FKBP5: variants seen among roughly 807,000 people sequenced by gnomAD.
The protein encoded by FKBP5 is FKBP prolyl isomerase 5, also known as peptidyl-prolyl cis-trans isomerase FKBP5.
FKBP5 carries 23 observed loss-of-function variants against 50.5 expected under a neutral mutation model. The ratio of observed to expected loss-of-function variants is 0.46; its 90% CI spans 0.33 to 0.65. The LOEUF (loss-of-function observed/expected upper bound fraction) is 0.65. Among genes scored for constraint, FKBP5 ranks in the 30% least tolerant of loss-of-function variants. The pLI is 0.02. For synonymous variants in FKBP5, 176 were observed against 190.6 expected, an observed-to-expected ratio of 0.92 and a Z score of 0.63; for missense variants, 411 against 553.1, an observed-to-expected ratio of 0.74 and a Z score of 2.58.
At chr6:35,623,213 G>A (rs1223231327) in intron 3 of FKBP5, among the ~76,000 whole-genome samples, 2 of 152,232 alleles carry the variant, frequency 1.3e-5, no homozygotes, top group African/African-American at 2.4e-5. Flanking sequence ...CTGCACTCCA[G>A]CCTGGGCGAA....
intron 8 of FKBP5, chr6:35,580,884 T>C (rs750378210): frequency 1.0e-6 from 1 of 985,334 alleles, no homozygotes; most frequent in Non-Finnish European, 1.2e-6. Flanking sequence ...TTTTAGACTA[T>C]GCCACTAAAA....
rs891326990 is a variant in FKBP5, at chr6:35,584,952, A to C, written c.840+2082T>G. On this transcript the variant is annotated intron_variant, in intron 8 of 10. Transcript: ENST00000357266. ...GTACAGACACTCATTGCTTTCTGCT[A>C]CTGATCACTAATTCTGGCCATCTCT... 10 of 985,454 alleles carry C rather than the reference A, an allele frequency of 1.0e-5. No homozygotes were observed. In the African/African-American group the frequency reaches 1.4e-4, roughly 14 times the overall value. 61.0% of individuals were successfully genotyped at this position (985,454 alleles called of 1,614,324 possible).
chr6:35,607,582 A>C (rs893314277), intron 5 of FKBP5: 3 of 152,628 alleles, frequency 2.0e-5, no homozygotes, highest in Non-Finnish European at 4.4e-5. Context: ...ATTGGATAAA[A>C]ATGTGGGCTT....
At chr6:35,669,378 A>G (rs1765322163) in intron 1 of FKBP5, among the ~76,000 whole-genome samples, 1 of 152,192 alleles carries the variant, frequency 6.6e-6, no homozygotes, top group Non-Finnish European at 1.5e-5. Context: ...CTGGCCTACA[A>G]TGCACATACT....
Position 35,642,726 on chromosome 6 carries a change from T to C in FKBP5, c.99A>G (p.Val33=), listed in dbSNP as rs1464717664. ...EDITSKKDRG[V]LKIVKRVGNG... The stretch of plus-strand genomic sequence containing the variant: ...CTCAGCTTTGTGGCCTCACCTTTAA[T>C]ACTCCCCTGTCTTTTTTGGAGGTAA... Residue 33 remains valine (V), a synonymous_variant, in exon 2 of 11, where the codon GTA becomes GTG. Transcript: ENST00000357266. 6.2e-7 allele frequency: 1 copy of C among 1,613,412 alleles called. No individual in the cohort carries two copies. Among genetic ancestry groups the C allele is most frequent in the Non-Finnish European group, 8.5e-7 (1 of 1,179,482 alleles).
intron 2 of FKBP5, among the ~76,000 whole-genome samples, chr6:35,713,457 A>G (rs1281952514): frequency 6.6e-6 from 1 of 152,166 alleles, no homozygotes; most frequent in Admixed American, 6.5e-5. Context: ...TCCAACAACA[A>G]CCTTATGAGG....
chr6:35,575,986 G>A, intron 10 of FKBP5, 44 bp from the exon 11 acceptor site: 1 of 1,359,942 alleles, frequency 7.4e-7, no homozygotes, highest in Non-Finnish European at 1.1e-6. Flanking sequence ...GAATAAAGAA[G>A]TGAAATAATT....
At chr6:35,585,512 G>A (rs1333682600) in intron 8 of FKBP5, 1 of 984,910 alleles carries the variant, frequency 1.0e-6, no homozygotes, top group African/African-American at 1.8e-5. Flanking sequence ...AACCTCTTTG[G>A]ACCTTAAATG....
intron 2 of FKBP5, among the ~76,000 whole-genome samples, chr6:35,637,652 T>TG (rs1282921127): frequency 6.6e-6 from 1 of 151,822 alleles, no homozygotes; most frequent in Non-Finnish European, 1.5e-5. Flanking sequence ...TTAGTAGAGA[T>TG]GGGGTTTCAC....
chr6:35,643,034 C>G (rs1764539158), intron 1 of FKBP5, among the ~76,000 whole-genome samples, 191 bp from the exon 2 acceptor site: 1 of 152,110 alleles, frequency 6.6e-6, no homozygotes, highest in South Asian at 2.1e-4. Flanking sequence ...AAAACATCAT[C>G]CAATTCTTTA....
upstream of FKBP5, among the ~76,000 whole-genome samples, chr6:35,689,612 G>T (rs1468300215): frequency 1.3e-5 from 2 of 151,894 alleles, no homozygotes; most frequent in African/African-American, 4.8e-5. Context: ...GAAGGCCGAG[G>T]TGGGCGGACC....
rs1764891282 is a variant in FKBP5, at chr6:35,654,338, C to A, written c.-19-11495G>T. ...GATCCAAAACACTTCTTGTCCCAAG[C>A]ATTTTGGATAAATGATACTTGACAA... On this transcript the variant is annotated intron_variant, in intron 1 of 10. Coordinates refer to ENST00000357266, the MANE Select transcript of FKBP5 (RefSeq NM_004117.4). 2.0e-5 allele frequency among the ~76,000 whole-genome samples: 3 copies of A among 152,162 alleles called. No individual in the cohort carries two copies. In the South Asian group the frequency reaches 6.2e-4, roughly 31 times the overall value.
intron 2 of FKBP5, among the ~76,000 whole-genome samples, chr6:35,715,187 A>G (rs1766490998): frequency 6.6e-6 from 1 of 152,210 alleles, no homozygotes; most frequent in South Asian, 2.1e-4. Flanking sequence ...GGTGTGAGCC[A>G]CTGCTCCTGG....
intron 2 of FKBP5, among the ~76,000 whole-genome samples, chr6:35,641,893 G>C (rs1764502371): frequency 6.6e-6 from 1 of 151,922 alleles, no homozygotes; most frequent in South Asian, 2.1e-4. Context: ...CTACTCGGGA[G>C]GCTGAGGCAG....
At chr6:35,653,537 C>T (rs1030436668) in intron 1 of FKBP5, among the ~76,000 whole-genome samples, 1 of 152,110 alleles carries the variant, frequency 6.6e-6, no homozygotes, top group African/African-American at 2.4e-5. Context: ...CTGGCATATT[C>T]CACACATCTG....
intron 9 of FKBP5, among the ~76,000 whole-genome samples, chr6:35,579,461 A>G (rs1385833177): frequency 6.6e-6 from 1 of 152,200 alleles, no homozygotes; most frequent in Admixed American, 6.5e-5. Flanking sequence ...AGAACGATAC[A>G]TAACGATACA....
chr6:35,658,661 A>AG lies in FKBP5; in HGVS notation c.-19-15819_-19-15818insC, dbSNP rs1233512265. On this transcript the variant is annotated intron_variant, in intron 1 of 10. Coordinates refer to ENST00000357266, the MANE Select transcript of FKBP5 (RefSeq NM_004117.4). ...ATGCTTTCTCTTGCTAATGTGGTAC[A>AG]TGACATTGGTTTTCAAATGTTAAAC... Among the ~76,000 whole-genome samples the AG allele has an allele frequency of 1.9e-3, 40 of 20,692 alleles. 15 individuals are homozygous for AG. Among genetic ancestry groups the AG allele is most frequent in the South Asian group, 5.1e-3 (3 of 594 alleles). 13.6% of individuals were successfully genotyped at this position (20,692 alleles called of 152,430 possible). A position where few individuals can be genotyped will look rare whatever the true frequency, so the allele number is the denominator to read the frequency against.
intron 7 of FKBP5, among the ~76,000 whole-genome samples, chr6:35,588,995 C>T (rs577693486): frequency 1.2e-4 from 18 of 149,938 alleles, no homozygotes; most frequent in Non-Finnish European, 1.2e-4. Flanking sequence ...CTGCCTTGGC[C>T]TCCCAAAGTG....
At chr6:35,709,690 A>G (rs1766381861) in intron 2 of FKBP5, among the ~76,000 whole-genome samples, 1 of 152,134 alleles carries the variant, frequency 6.6e-6, no homozygotes, top group Non-Finnish European at 1.5e-5. Flanking sequence ...AGATATTTAC[A>G]TGCAAAATAG....
Sources: allele counts gnomAD v4.1 joint callset (sites outside exome capture counted in the v4.1 genomes callset), GRCh38; gene constraint gnomAD v4.1.1; transcripts MANE v1.5; gene names NCBI Gene and HGNC (gene_info 2026-07-23, HGNC 2026-07-21).